Variants in PTPRM observed in about 807,000 individuals in gnomAD.
The protein encoded by PTPRM is receptor-type tyrosine-protein phosphatase mu.
PTPRM carries 47 observed loss-of-function variants against 186.7 expected under a neutral mutation model. That is an observed-to-expected ratio of 0.25 (90% confidence interval 0.20 to 0.32). The LOEUF (loss-of-function observed/expected upper bound fraction) is 0.32, where lower values mean the gene tolerates loss of function less well. Among genes scored for constraint, PTPRM ranks in the 10% least tolerant of loss-of-function variants. PTPRM has a pLI of 1.00. For missense variants in PTPRM, 1,494 were observed against 1,865.0 expected (o/e 0.80, Z 3.66); for synonymous variants, 668 against 674.9 (o/e 0.99, Z 0.16).
intron 27 of PTPRM, among the ~76,000 whole-genome samples, chr18:8,378,628 CT>C (rs900350423): frequency 6.6e-6 from 1 of 152,108 alleles, no homozygotes; most frequent in African/African-American, 2.4e-5. Context: ...AGGTGTCCCC[CT>C]GGGGGACAGA....
chr18:8,132,644 A>G (rs960504910), intron 13 of PTPRM, among the ~76,000 whole-genome samples: 4 of 152,172 alleles, frequency 2.6e-5, no homozygotes, highest in African/African-American at 4.8e-5. Context: ...TCCATATACA[A>G]TCATGACAAA....
chr18:8,309,498 A>G (rs1169053398), intron 20 of PTPRM, among the ~76,000 whole-genome samples: 3 of 152,132 alleles, frequency 2.0e-5, no homozygotes, highest in Non-Finnish European at 4.4e-5. Flanking sequence ...TGAATATAAG[A>G]CACAGCTCCT....
intron 2 of PTPRM, among the ~76,000 whole-genome samples, chr18:7,813,588 G>C (rs1259709093): frequency 1.3e-5 from 2 of 152,108 alleles, no homozygotes; most frequent in Non-Finnish European, 2.9e-5. Flanking sequence ...TCTGGACCGA[G>C]AGGATATGTG....
chr18:8,336,662 G>A (rs913490416), intron 22 of PTPRM, among the ~76,000 whole-genome samples: 1 of 136,654 alleles, frequency 7.3e-6, no homozygotes, highest in African/African-American at 2.8e-5. Context: ...AGAAGAAGGA[G>A]GAGGAGGAGG....
chr18:8,044,008 T>C (rs959498540), intron 7 of PTPRM, among the ~76,000 whole-genome samples: 2 of 152,228 alleles, frequency 1.3e-5, no homozygotes, highest in Admixed American at 1.3e-4. Flanking sequence ...GGGAGCCCTA[T>C]CTTCAAGTGA....
chr18:7,842,087 G>A (rs754422380), intron 2 of PTPRM, among the ~76,000 whole-genome samples: 1 of 152,124 alleles, frequency 6.6e-6, no homozygotes, highest in Non-Finnish European at 1.5e-5. Context: ...TTAGATCCAT[G>A]TTCCCAGAAA....
intron 2 of PTPRM, among the ~76,000 whole-genome samples, chr18:7,806,500 G>C (rs2044240965): frequency 6.6e-6 from 1 of 152,222 alleles, no homozygotes; most frequent in South Asian, 2.1e-4. Flanking sequence ...GGGGAAAGGG[G>C]AGTCTACAAA....
chr18:8,283,908 A>G (rs985008279), intron 19 of PTPRM, among the ~76,000 whole-genome samples: 1 of 152,108 alleles, frequency 6.6e-6, no homozygotes, highest in Admixed American at 6.5e-5. Context: ...GGTGTGAGCT[A>G]CCACACCTGG....
chr18:7,702,048 A>C (rs2039978170), intron 1 of PTPRM, among the ~76,000 whole-genome samples: 1 of 152,146 alleles, frequency 6.6e-6, no homozygotes, highest in African/African-American at 2.4e-5. Context: ...TTATGGCTAC[A>C]TACTGTTCCA....
chr18:7,782,581 ACT>A (rs1257552815), intron 2 of PTPRM, among the ~76,000 whole-genome samples: 8 of 151,466 alleles, frequency 5.3e-5, no homozygotes, highest in African/African-American at 9.7e-5. Context: ...TACCTATTAA[ACT>A]CTAACTCCTC....
At chr18:8,356,532 C>T (rs1906552680) in intron 23 of PTPRM, among the ~76,000 whole-genome samples, 1 of 152,178 alleles carries the variant, frequency 6.6e-6, no homozygotes, top group Non-Finnish European at 1.5e-5. Flanking sequence ...GGCACCCTCT[C>T]CTGGTAACAG....
In PTPRM at chr18:8,252,521, A is replaced by G. The variant is rs574106923; in HGVS notation, c.2566+22A>G. ...AATGGTAAGTTCCCCGATTCGCCCC[A>G]TGGAAGAGTTGTGGAGGGAGTGGGA... On this transcript the variant is annotated intron_variant, in intron 18 of 32. Coordinates refer to ENST00000580170, the MANE Select transcript of PTPRM (RefSeq NM_001105244.2). The G allele has an allele frequency of 6.9e-5, 107 of 1,541,334 alleles. No individual in the cohort carries two copies. In the South Asian group the frequency reaches 1.2e-3, roughly 17 times the overall value.
chr18:7,904,036 AT>A (rs2049846074), intron 3 of PTPRM, among the ~76,000 whole-genome samples: 1 of 152,162 alleles, frequency 6.6e-6, no homozygotes, highest in Non-Finnish European at 1.5e-5. Flanking sequence ...GAAACATGAA[AT>A]TCTTGATTTT....
At chr18:8,212,422 C>T (rs12954051) in intron 14 of PTPRM, among the ~76,000 whole-genome samples, 41,328 of 98,220 alleles carry the variant, frequency 0.42, 5,768 homozygotes, top group Middle Eastern at 0.57. Context: ...ATTTAATGCT[C>T]CTTTGTCACT....
Position 8,371,009 on chromosome 18 carries a change from A to C in PTPRM, c.3171+3A>C. 1 of 1,536,042 alleles carries C rather than the reference A, an allele frequency of 6.5e-7. No homozygotes were observed. Among genetic ancestry groups the C allele is most frequent in the Non-Finnish European group, 9.0e-7 (1 of 1,112,204 alleles). On this transcript the variant is annotated splice_donor_region_variant and intron_variant, in intron 24 of 32. Transcript: ENST00000580170. ...TAAGAACATTTGCTGTTGAAAAGGT[A>C]AGTTTTCATACTGCTTTTAAAAGCT...
chr18:7,880,178 T>C (rs541668160), intron 2 of PTPRM, among the ~76,000 whole-genome samples: 2 of 152,278 alleles, frequency 1.3e-5, no homozygotes, highest in Admixed American at 1.3e-4. Context: ...GGAACTACAA[T>C]TCAAGATGTA....
At chr18:8,136,355 C>T (rs1470865722) in intron 13 of PTPRM, among the ~76,000 whole-genome samples, 4 of 152,206 alleles carry the variant, frequency 2.6e-5, no homozygotes, top group East Asian at 3.8e-4. Context: ...TAATAATTCT[C>T]TTGGACTTTT....
At chr18:8,083,769 C>G (rs796548923) in intron 9 of PTPRM, among the ~76,000 whole-genome samples, 33 of 152,102 alleles carry the variant, frequency 2.2e-4, no homozygotes, top group African/African-American at 7.7e-4. Flanking sequence ...GGAAACAGAG[C>G]TAACTGTCTC....
chr18:7,852,033 A>G (rs1387178482), intron 2 of PTPRM, among the ~76,000 whole-genome samples: 1 of 152,220 alleles, frequency 6.6e-6, no homozygotes, highest in Non-Finnish European at 1.5e-5. Context: ...GAGAAGGGAT[A>G]TGTAAAGAAC....
Sources: gnomAD v4.1 joint callset for allele counts (sites outside exome capture counted in the v4.1 genomes callset) on GRCh38, gnomAD v4.1.1 for gene constraint, MANE v1.5 for transcripts, NCBI Gene and HGNC (gene_info 2026-07-23, HGNC 2026-07-21) for gene names.